The following VIPR2 variants were observed in gnomAD, a reference collection of about 807,000 sequenced individuals.
The protein encoded by VIPR2 is vasoactive intestinal peptide receptor 2, also known as vasoactive intestinal polypeptide receptor 2.
In VIPR2, 48 loss-of-function variants were observed where a neutral mutation model predicts 58.0. The ratio of observed to expected loss-of-function variants is 0.83; its 90% CI spans 0.66 to 1.05. The LOEUF (loss-of-function observed/expected upper bound fraction) is 1.05. VIPR2 is among the 50% of genes least tolerant of loss of function. VIPR2 has a pLI of 0.00. For missense variants in VIPR2, 534 were observed against 558.0 expected (o/e 0.96, Z 0.43); for synonymous variants, 243 against 235.2 (o/e 1.03, Z -0.30).
intron 1 of VIPR2, chr7:159,144,371 C>A: frequency 6.5e-7 from 1 of 1,543,000 alleles, no homozygotes. Context: ...AACGCGCAGC[C>A]CGCGCAGGCG....
In VIPR2 at chr7:159,031,866, G is replaced by A. The variant is rs1853606843; in HGVS notation, c.1105C>T (p.Leu369=). The A allele has an allele frequency of 6.2e-7, 1 of 1,614,004 alleles. No homozygotes were observed. Among genetic ancestry groups the A allele is most frequent in the African/African-American group, 1.3e-5 (1 of 74,948 alleles). ...AAACAGTAGAGGACGGCCACCACCAGGCCCTGCAATGAGAAGAGATGGTCA... is the reference window on the plus strand; with the variant it reads ...AAACAGTAGAGGACGGCCACCACCAAGCCCTGCAATGAGAAGAGATGGTCA... ...FELCLGSFQG[L]VVAVLYCFLN... Residue 369 remains leucine, a synonymous_variant, in exon 12 of 13, where the codon CTG becomes TTG. Coordinates refer to ENST00000262178, the MANE Select transcript of VIPR2 (RefSeq NM_003382.5). The surrounding 1 kb of genome is among the most constrained non-coding windows in gnomAD (Gnocchi z 4.0).
chr7:159,140,962 A>C (rs569156395), intron 2 of VIPR2, among the ~76,000 whole-genome samples: 2 of 152,298 alleles, frequency 1.3e-5, no homozygotes, highest in Admixed American at 6.5e-5. Flanking sequence ...ATTGTTTGCA[A>C]ACTTTTAAGA....
chr7:159,097,067 C>A lies in VIPR2; in HGVS notation c.357+6690G>T. Reference sequence around the variant, plus strand: ...GTCTCTGGCAGGCTCCTCCTGGCACCCTGGGAGGCTGGTGTGTCCTTGCAG... The same window carrying A: ...GTCTCTGGCAGGCTCCTCCTGGCACACTGGGAGGCTGGTGTGTCCTTGCAG... On this transcript the variant is annotated intron_variant, in intron 4 of 12. Transcript: ENST00000262178. This position sits in a 1 kb window ranked among gnomAD's most constrained non-coding sequence, Gnocchi z 5.3. 6.5e-7 allele frequency: 1 copy of A among 1,544,616 alleles called. No individual in the cohort carries two copies. The highest frequency in any genetic ancestry group is 8.7e-7 in the Non-Finnish European group (1 of 1,143,170).
At chr7:159,104,514 T>G (rs1858514744) in intron 3 of VIPR2, among the ~76,000 whole-genome samples, 1 of 120,650 alleles carries the variant, frequency 8.3e-6, no homozygotes, top group Admixed American at 8.6e-5. Flanking sequence ...GCACCCTACC[T>G]CCTCCTGGCA....
intron 4 of VIPR2, among the ~76,000 whole-genome samples, chr7:159,079,743 G>C (rs1189626519): frequency 6.6e-6 from 1 of 152,108 alleles, no homozygotes; most frequent in Admixed American, 6.5e-5. Flanking sequence ...GAAGAAAAGA[G>C]AGAAGAATCA....
intron 2 of VIPR2, among the ~76,000 whole-genome samples, chr7:159,141,954 G>C (rs1348759830): frequency 6.6e-6 from 1 of 152,170 alleles, no homozygotes; most frequent in Non-Finnish European, 1.5e-5. Flanking sequence ...CTGTCAAACC[G>C]GAGAAGGCGA....
intron 2 of VIPR2, among the ~76,000 whole-genome samples, chr7:159,129,335 T>C (rs1354108234): frequency 8.0e-6 from 1 of 125,630 alleles, no homozygotes; most frequent in African/African-American, 3.3e-5. Flanking sequence ...AACTGGACTC[T>C]GGTGGGGACA....
chr7:159,083,296 G>A (rs775200752), intron 4 of VIPR2, among the ~76,000 whole-genome samples: 5 of 152,140 alleles, frequency 3.3e-5, no homozygotes, highest in Non-Finnish European at 7.3e-5. Flanking sequence ...AGCTTCATCC[G>A]GAACCTTATG....
At position 159,142,514 on chromosome 7, in the gene VIPR2, T is replaced by C. The variant is rs751018112; in HGVS notation, c.83A>G (p.His28Arg). The C allele has an allele frequency of 1.2e-6, 2 of 1,613,940 alleles. No homozygotes were observed. The highest frequency in any genetic ancestry group is 1.7e-6 in the Non-Finnish European group (2 of 1,179,986). ...TGTTTCTTCCTCCTGTATTTCCAGA[T>C]GAAATCGGCATTCTGGGTGAATGCT... ...VNSIHPECRF[H>R]LEIQEEETKC... The change falls in exon 2 of 13, where the codon CAT becomes CGT. Residue 28 changes from histidine (H) to arginine (R), a missense_variant. His to Arg is a conservative substitution (Grantham distance 29). Coordinates refer to ENST00000262178, the MANE Select transcript of VIPR2 (RefSeq NM_003382.5).
In VIPR2 at chr7:159,038,356, T is replaced by G. The variant is rs577287559; in HGVS notation, c.598-1454A>C. Among the ~76,000 whole-genome samples the G allele has an allele frequency of 5.3e-5, 8 of 152,274 alleles. 1 individual carries two copies. The South Asian group carries it at 1.2e-3, about 24-fold the overall frequency. ...GCACAGGTGAGAGTTACCCTTATTG[T>G]CCATCTTTGCCACCAGAGTAAGGCG... On this transcript the variant is annotated intron_variant, in intron 6 of 12. Coordinates refer to ENST00000262178, the MANE Select transcript of VIPR2 (RefSeq NM_003382.5).
Position 159,096,096 on chromosome 7 carries a change from T to C in VIPR2, c.357+7661A>G, listed in dbSNP as rs1046736581. On this transcript the variant is annotated intron_variant, in intron 4 of 12. Coordinates refer to ENST00000262178, the MANE Select transcript of VIPR2 (RefSeq NM_003382.5). This position sits in a 1 kb window ranked among gnomAD's most constrained non-coding sequence, Gnocchi z 5.5. ...CTGCTGGGTGCCCAAGCTGAACATCTGCCGCCCACATACAGACCTCCCCTT... is the reference window on the plus strand; with the variant it reads ...CTGCTGGGTGCCCAAGCTGAACATCCGCCGCCCACATACAGACCTCCCCTT... Among the ~76,000 whole-genome samples, 1 of 152,268 alleles carries C rather than the reference T, an allele frequency of 6.6e-6. No individual in the cohort carries two copies. Among genetic ancestry groups the C allele is most frequent in the South Asian group, 2.1e-4 (1 of 4,814 alleles).
chr7:159,046,802 A>G (rs1255543293), intron 5 of VIPR2, among the ~76,000 whole-genome samples: 1 of 152,256 alleles, frequency 6.6e-6, no homozygotes, highest in East Asian at 1.9e-4. Flanking sequence ...ATTTTTGTCC[A>G]AAAGGATGTT....
At chr7:159,038,205 GC>G (rs1300144347) in intron 6 of VIPR2, among the ~76,000 whole-genome samples, 2 of 151,822 alleles carry the variant, frequency 1.3e-5, no homozygotes, top group African/African-American at 4.8e-5. Context: ...CCTGCAGGCT[GC>G]CCCGACCTCC....
At chr7:159,102,227 T>C (rs59136130) in intron 4 of VIPR2, among the ~76,000 whole-genome samples, 28 of 149,630 alleles carry the variant, frequency 1.9e-4, no homozygotes, top group East Asian at 8.0e-4. Context: ...GAAGATCCGA[T>C]GAGGCGGTTC....
intron 6 of VIPR2, among the ~76,000 whole-genome samples, chr7:159,039,256 C>T (rs1434508277): frequency 4.6e-5 from 7 of 152,162 alleles, no homozygotes; most frequent in South Asian, 2.1e-4. Flanking sequence ...GTCAGGGGTT[C>T]GAGACCAGCC....
intron 2 of VIPR2, among the ~76,000 whole-genome samples, chr7:159,141,141 C>T (rs1005638580): frequency 6.6e-6 from 1 of 152,242 alleles, no homozygotes; most frequent in Non-Finnish European, 1.5e-5. Context: ...CATGGCCACG[C>T]TGCTGCTTCT....
intron 4 of VIPR2, among the ~76,000 whole-genome samples, chr7:159,070,860 TTGGGGAAGCAAAGCAGACTGTGCGGTGAG>T (rs1856350090): frequency 1.3e-5 from 2 of 152,330 alleles, no homozygotes; most frequent in Middle Eastern, 3.4e-3. Flanking sequence ...CATTAAGGTC[TTGGGGAAGCAAAGCAGACTGTGCGGTGAG>T]TGCTGAAGCA....
chr7:159,057,273 T>C (rs10236877), intron 5 of VIPR2, among the ~76,000 whole-genome samples: 134,290 of 152,144 alleles, frequency 0.88, 59,745 homozygotes, highest in East Asian at 1. Context: ...AATTATACTC[T>C]ATAAAATATA....
At chr7:159,032,596 A>G (rs1853665160) in intron 10 of VIPR2, among the ~76,000 whole-genome samples, 1 of 152,190 alleles carries the variant, frequency 6.6e-6, no homozygotes, top group African/African-American at 2.4e-5. Context: ...ACGCATCTGA[A>G]GTTTGCTGGA....
Sources: gnomAD v4.1 joint callset for allele counts (sites outside exome capture counted in the v4.1 genomes callset) on GRCh38, gnomAD v4.1.1 for gene constraint, Gnocchi (gnomAD v3.1) non-coding constraint, MANE v1.5 for transcripts, NCBI Gene and HGNC (gene_info 2026-07-23, HGNC 2026-07-21) for gene names.